CACNB2: variants seen among roughly 807,000 people sequenced by gnomAD.
The protein encoded by CACNB2 is calcium voltage-gated channel auxiliary subunit beta 2, also known as voltage-dependent L-type calcium channel subunit beta-2.
CACNB2 carries 42 observed loss-of-function variants against 73.3 expected under a neutral mutation model. That is an observed-to-expected ratio of 0.57 (90% CI 0.45 to 0.74). CACNB2 has a LOEUF of 0.74. CACNB2 is among the 30% of genes least tolerant of loss of function. The probability of loss-of-function intolerance (pLI) is 0.00; values close to 1 mark genes in which losing one functional copy is unlikely to be tolerated. For synonymous variants in CACNB2, 348 were observed against 310.3 expected (o/e 1.12, Z -1.28); for missense variants, 940 against 853.0 (o/e 1.10, Z -1.27).
intron 2 of CACNB2, among the ~76,000 whole-genome samples, chr10:18,292,712 A>C (rs2131781084): frequency 6.6e-6 from 1 of 152,278 alleles, no homozygotes; most frequent in African/African-American, 2.4e-5. Context: ...AAAAACACAA[A>C]ACCTACCAGA....
chr10:18,400,123 A>G (rs1434718710), intron 2 of CACNB2, among the ~76,000 whole-genome samples: 1 of 152,210 alleles, frequency 6.6e-6, no homozygotes, highest in Non-Finnish European at 1.5e-5. Context: ...TAAAGCGGTG[A>G]TTACTTTCGT....
chr10:18,319,931 G>T (rs1262828535), intron 2 of CACNB2, among the ~76,000 whole-genome samples: 1 of 152,132 alleles, frequency 6.6e-6, no homozygotes, highest in Non-Finnish European at 1.5e-5. Context: ...AGGGCAGCTG[G>T]AGTGGAGGCC....
At chr10:18,292,075 A>G (rs1214721716) in intron 2 of CACNB2, among the ~76,000 whole-genome samples, 1 of 152,182 alleles carries the variant, frequency 6.6e-6, no homozygotes, top group Non-Finnish European at 1.5e-5. Flanking sequence ...TACAAAGTCA[A>G]GGTTATGATT....
chr10:18,495,017 G>T (rs2049704989), intron 3 of CACNB2, among the ~76,000 whole-genome samples: 1 of 152,130 alleles, frequency 6.6e-6, no homozygotes, highest in Non-Finnish European at 1.5e-5. Context: ...GGCCCATTTG[G>T]ACAGTAGTTT....
At chr10:18,152,817 C>T (rs1422093929) in intron 2 of CACNB2, among the ~76,000 whole-genome samples, 4 of 149,354 alleles carry the variant, frequency 2.7e-5, no homozygotes, top group African/African-American at 4.9e-5. Flanking sequence ...TGAAATTGCA[C>T]GGAAAGAAAA....
chr10:18,192,786 A>G (rs2034460368), intron 2 of CACNB2, among the ~76,000 whole-genome samples: 1 of 152,158 alleles, frequency 6.6e-6, no homozygotes, highest in African/African-American at 2.4e-5. Flanking sequence ...TAATTTTTTA[A>G]AGGACCACCC....
chr10:18,533,907 C>T (rs550448919), intron 10 of CACNB2, among the ~76,000 whole-genome samples, 169 bp from the exon 11 acceptor site: 1 of 152,216 alleles, frequency 6.6e-6, no homozygotes, highest in Non-Finnish European at 1.5e-5. Flanking sequence ...TGTGGAGAAA[C>T]AGCCCTTTCC....
chr10:18,376,449 AG>A (rs1158411807), intron 2 of CACNB2, among the ~76,000 whole-genome samples: 3 of 152,222 alleles, frequency 2.0e-5, no homozygotes, highest in Non-Finnish European at 4.4e-5. Flanking sequence ...GTAGCACAAC[AG>A]GATGACTATA....
At chr10:18,393,164 G>A (rs571437091) in intron 2 of CACNB2, among the ~76,000 whole-genome samples, 54 of 145,230 alleles carry the variant, frequency 3.7e-4, no homozygotes, top group African/African-American at 1.3e-3. Context: ...AGCCGGGATC[G>A]CCCCATTGTA....
At chr10:18,175,009 CACTT>C (rs1318575735) in intron 2 of CACNB2, among the ~76,000 whole-genome samples, 2 of 152,064 alleles carry the variant, frequency 1.3e-5, no homozygotes, top group African/African-American at 4.8e-5. Flanking sequence ...AATAAAATAA[CACTT>C]AAATCTGTTC....
chr10:18,154,523 G>A (rs936609200), intron 2 of CACNB2, among the ~76,000 whole-genome samples: 5 of 151,848 alleles, frequency 3.3e-5, no homozygotes, highest in African/African-American at 9.7e-5. Flanking sequence ...GCTGGAGTGC[G>A]GTGGCCTGAT....
intron 2 of CACNB2, among the ~76,000 whole-genome samples, chr10:18,364,445 C>G (rs908425643): frequency 6.6e-6 from 1 of 151,854 alleles, no homozygotes; most frequent in Non-Finnish European, 1.5e-5. Context: ...GGATTACAGG[C>G]ACGCAACACC....
chr10:18,202,988 G>A (rs931159890), intron 2 of CACNB2, among the ~76,000 whole-genome samples: 6 of 152,122 alleles, frequency 3.9e-5, no homozygotes, highest in East Asian at 1.9e-4. Context: ...CCCATTAAGC[G>A]AGCCATCACT....
chr10:18,315,298 C>T (rs1026323918), intron 2 of CACNB2, among the ~76,000 whole-genome samples: 18 of 151,698 alleles, frequency 1.2e-4, no homozygotes, highest in African/African-American at 4.1e-4. Context: ...CACACCACTG[C>T]ACTCCAGCCT....
intron 2 of CACNB2, among the ~76,000 whole-genome samples, chr10:18,378,064 G>A (rs1226542382): frequency 6.6e-6 from 1 of 152,116 alleles, no homozygotes; most frequent in African/African-American, 2.4e-5. Flanking sequence ...ATTATCATTA[G>A]GGAAATGATC....
In CACNB2 at chr10:18,150,879, T is replaced by TTTTTTTTTG. The variant is rs769211879; in HGVS notation, c.121-3_121-2insTTTTTTTGT. The TTTTTTTTTG allele has an allele frequency of 5.0e-4, 635 of 1,259,308 alleles. 49 individuals carry two copies. The highest frequency in any genetic ancestry group is 1.0e-3 in the African/African-American group (61 of 59,490). 78.0% of individuals were successfully genotyped at this position (1,259,308 alleles called of 1,614,324 possible). ...TCTTTTTTTTTTTTTTTTTTTTTTT[T>TTTTTTTTTG]TAGTCATATGGAAAAGGAGCCAGAA... On this transcript the variant is annotated splice_polypyrimidine_tract_variant and splice_region_variant and intron_variant, in intron 1 of 13. Transcript: ENST00000324631.
chr10:18,452,902 T>G (rs1287351020), intron 3 of CACNB2, among the ~76,000 whole-genome samples: 2 of 152,198 alleles, frequency 1.3e-5, no homozygotes, highest in Admixed American at 1.3e-4. Context: ...ATCCCACGCT[T>G]GATAGCAGAC....
chr10:18,467,774 G>A (rs1407075764), intron 3 of CACNB2, among the ~76,000 whole-genome samples: 8 of 152,076 alleles, frequency 5.3e-5, no homozygotes, highest in Non-Finnish European at 1.2e-4. Context: ...CCCTCCCCAG[G>A]CACAGTCTAT....
At chr10:18,167,794 G>A (rs1287663731) in intron 2 of CACNB2, among the ~76,000 whole-genome samples, 1 of 152,114 alleles carries the variant, frequency 6.6e-6, no homozygotes, top group East Asian at 1.9e-4. Context: ...ATAGTTTAAG[G>A]AAAACCAGAA....
Sources: allele counts gnomAD v4.1 joint callset (sites outside exome capture counted in the v4.1 genomes callset), GRCh38; gene constraint gnomAD v4.1.1; transcripts MANE v1.5; gene names NCBI Gene and HGNC (gene_info 2026-07-23, HGNC 2026-07-21).